Variants in SFI1 observed in about 807,000 individuals in gnomAD.
The protein encoded by SFI1 is protein SFI1 homolog.
In SFI1, 195 loss-of-function variants were observed where a neutral mutation model predicts 207.5. The ratio of observed to expected loss-of-function variants is 0.94; its 90% CI spans 0.84 to 1.06. SFI1 has a LOEUF of 1.06. SFI1 is among the 50% of genes least tolerant of loss of function. SFI1 has a pLI of 0.00. For synonymous variants in SFI1, 630 were observed against 598.9 expected (o/e 1.05, Z -0.76); for missense variants, 1,634 against 1,588.0 (o/e 1.03, Z -0.49).
intron 2 of SFI1, among the ~76,000 whole-genome samples, chr22:31,515,192 AAT>A (rs2056310736): frequency 2.0e-5 from 3 of 152,088 alleles, no homozygotes; most frequent in African/African-American, 7.2e-5. Context: ...AGATTATGGG[AAT>A]CTTCAATTTT....
At chr22:31,553,417 G>T (rs1467419359) in intron 6 of SFI1, among the ~76,000 whole-genome samples, 1 of 151,378 alleles carries the variant, frequency 6.6e-6, no homozygotes, top group Non-Finnish European at 1.5e-5. Flanking sequence ...GTGCAGTGGC[G>T]CAATCTCGGC....
Position 31,613,854 on chromosome 22 carries a change from C to A in SFI1, c.2995C>A (p.Leu999Ile). The change falls in exon 27 of 33, where the codon CTC becomes ATC. Residue 999 changes from leucine to isoleucine, a missense_variant and splice_region_variant. Transcript: ENST00000400288. ...LAAEEPHALE[L>I]NTAHSARKQP... ...TGCTGAGGAGCCCCACGCCCTGGAG[C>A]TGTGAGTAGCCTGTGCTCACCTTGT... The A allele has an allele frequency of 6.3e-7, 1 of 1,598,596 alleles. No individual in the cohort carries two copies. The highest frequency in any genetic ancestry group is 8.5e-7 in the Non-Finnish European group (1 of 1,172,664).
intron 1 of SFI1, among the ~76,000 whole-genome samples, chr22:31,500,072 C>T (rs1246741620): frequency 1.3e-5 from 2 of 150,208 alleles, no homozygotes; most frequent in East Asian, 3.9e-4. Flanking sequence ...GTAATCCTAG[C>T]ACTTTGGGTG....
intron 12 of SFI1, among the ~76,000 whole-genome samples, 196 bp downstream of exon 12, chr22:31,580,560 T>C (rs1474382402): frequency 6.9e-6 from 1 of 145,426 alleles, no homozygotes; most frequent in African/African-American, 2.6e-5. Context: ...TTTTTTTTTT[T>C]TTGAGACAGT....
rs752130736 is a variant in SFI1 at position 31,613,765 on chromosome 22, A to T, written c.2906A>T (p.Asp969Val). Reference protein sequence around the residue: ...LLNRIAAGAGDGTLETKRPQA... With the variant: ...LLNRIAAGAGVGTLETKRPQA... ...AACCGCATTGCTGCTGGGGCTGGGG[A>T]TGGCACCCTTGAGACCAAGAGGCCA... Residue 969 changes from aspartate (D) to valine (V), a missense_variant, in exon 27 of 33, where the codon GAT becomes GTT. Transcript: ENST00000400288. 4 of 1,612,890 alleles carry T rather than the reference A, an allele frequency of 2.5e-6. No individual in the cohort carries two copies. The highest frequency in any genetic ancestry group is 2.5e-6 in the Non-Finnish European group (3 of 1,179,780).
chr22:31,506,030 T>C (rs1224662110), intron 1 of SFI1, among the ~76,000 whole-genome samples: 1 of 149,802 alleles, frequency 6.7e-6, no homozygotes, highest in Non-Finnish European at 1.5e-5. Context: ...CCAGCCTGGG[T>C]GACAGAGGGA....
At chr22:31,612,973 CGT>C (rs1308081277) in intron 24 of SFI1, 167 bp from the exon 25 acceptor site, 1 of 638,744 alleles carries the variant, frequency 1.6e-6, no homozygotes, top group African/African-American at 1.8e-5. Flanking sequence ...ACAGATGGAG[CGT>C]GTGTTGAGCA....
rs775164583 is a variant in SFI1 at position 31,616,895 on chromosome 22, G to A, written c.3433+18G>A. On this transcript the variant is annotated intron_variant, in intron 30 of 32. Coordinates refer to ENST00000400288, the MANE Select transcript of SFI1 (RefSeq NM_001007467.3). ...AACTGCAGGTGTGTACCTGGGGCCTGTCAGGGCAGAAAGCACTCAGGCCAC... is the reference window on the plus strand; with the variant it reads ...AACTGCAGGTGTGTACCTGGGGCCTATCAGGGCAGAAAGCACTCAGGCCAC... 1.3e-5 allele frequency: 21 copies of A among 1,609,724 alleles called. No homozygotes were observed. The highest frequency in any genetic ancestry group is 1.7e-5 in the Non-Finnish European group (20 of 1,177,788).
At chr22:31,558,548 A>C (rs1304722120) in intron 7 of SFI1, among the ~76,000 whole-genome samples, 1 of 151,464 alleles carries the variant, frequency 6.6e-6, no homozygotes, top group African/African-American at 2.4e-5. Flanking sequence ...GGCTCACTGC[A>C]ACCTTCTGGG....
In SFI1 at chr22:31,602,264, C is replaced by G; in HGVS notation, c.1597C>G (p.His533Asp). The change falls in exon 16 of 33, where the codon CAT becomes GAT. Residue 533 changes from histidine (H) to aspartate (D), a missense_variant. Physicochemically the swap from His to Asp is moderately conservative, Grantham distance 81 (BLOSUM62 -1). Coordinates refer to ENST00000400288, the MANE Select transcript of SFI1 (RefSeq NM_001007467.3). ...TCTCTGGAGGCAGAAGATGTTTCAG[C>G]ATCGAGAAAACCGCCTGGCAGAGAG... ...FSLWRQKMFQHRENRLAERMA... is the reference protein window; with the variant it reads ...FSLWRQKMFQDRENRLAERMA... 1.2e-6 allele frequency: 2 copies of G among 1,614,112 alleles called. No individual in the cohort carries two copies. The highest frequency in any genetic ancestry group is 1.7e-6 in the Non-Finnish European group (2 of 1,179,998).
At chr22:31,526,467 C>A (rs898255209) in intron 2 of SFI1, among the ~76,000 whole-genome samples, 2 of 152,264 alleles carry the variant, frequency 1.3e-5, no homozygotes, top group Admixed American at 1.3e-4. Flanking sequence ...AATCTAATCA[C>A]CTTCCATGAG....
At chr22:31,527,111 G>A (rs1240881001) in intron 2 of SFI1, among the ~76,000 whole-genome samples, 5 of 152,084 alleles carry the variant, frequency 3.3e-5, no homozygotes, top group Admixed American at 1.3e-4. Flanking sequence ...TGGCCAGGCT[G>A]GTCTCAAACT....
At chr22:31,550,729 T>C (rs1267837505) in intron 6 of SFI1, 22 of 174,036 alleles carry the variant, frequency 1.3e-4, no homozygotes, top group Non-Finnish European at 1.2e-4. Context: ...TCTGATCTGC[T>C]TTGCTCAAGT....
chr22:31,588,006 C>CTA (rs2146349893), intron 14 of SFI1: 1 of 152,224 alleles, frequency 6.6e-6, no homozygotes, highest in East Asian at 1.9e-4. Flanking sequence ...TTATCTATTG[C>CTA]TATGTAAAAA....
At chr22:31,546,771 T>C (rs1240913860) in intron 4 of SFI1, 90 bp from the exon 5 acceptor site, 37 of 921,158 alleles carry the variant, frequency 4.0e-5, no homozygotes, top group Non-Finnish European at 4.8e-5. Context: ...CCGGCTGTAC[T>C]TTTTCATGAG....
intron 15 of SFI1, among the ~76,000 whole-genome samples, chr22:31,593,689 A>G (rs1366455048): frequency 2.1e-5 from 3 of 142,542 alleles, no homozygotes; most frequent in African/African-American, 7.9e-5. Flanking sequence ...ACGCCACTGC[A>G]CTCCAGCCTG....
intron 1 of SFI1, among the ~76,000 whole-genome samples, chr22:31,501,956 AGTGT>A (rs1337110970): frequency 1.3e-5 from 2 of 151,944 alleles, no homozygotes; most frequent in South Asian, 2.1e-4. Flanking sequence ...AGTGTCAGTG[AGTGT>A]GTGTGTGAGT....
Position 31,604,880 on chromosome 22 carries a change from C to T in SFI1, c.1989C>T (p.Gly663=), listed in dbSNP as rs371185495. The change falls in exon 20 of 33, where the codon GGC becomes GGT. Residue 663 remains glycine, a synonymous_variant. Transcript: ENST00000400288. ...RALQAWVTYQ[G]RVRSILREVA... is the part of the protein sequence containing the mutation. Reference sequence around the variant, plus strand: ...CTTGTCCCCTACAGACTTACCAGGGCAGGGTGCGAAGCATCCTCCGGGAGG... The same window carrying T: ...CTTGTCCCCTACAGACTTACCAGGGTAGGGTGCGAAGCATCCTCCGGGAGG... 1.9e-6 allele frequency: 3 copies of T among 1,611,938 alleles called. No individual in the cohort carries two copies. Among genetic ancestry groups the T allele is most frequent in the Non-Finnish European group, 2.5e-6 (3 of 1,179,008 alleles).
chr22:31,525,534 C>T (rs1297294993), intron 2 of SFI1, among the ~76,000 whole-genome samples: 1 of 152,134 alleles, frequency 6.6e-6, no homozygotes, highest in African/African-American at 2.4e-5. Context: ...TCAAGACCAT[C>T]CTGCGCATGT....
Sources: allele counts gnomAD v4.1 joint callset (sites outside exome capture counted in the v4.1 genomes callset), GRCh38; gene constraint gnomAD v4.1.1; transcripts MANE v1.5; gene names NCBI Gene and HGNC (gene_info 2026-07-23, HGNC 2026-07-21).